The following DTNBP1 variants were observed in gnomAD, a reference collection of about 807,000 sequenced individuals.
The protein encoded by DTNBP1 is dystrobrevin binding protein 1.
Under a neutral mutation model 42.8 loss-of-function variants are expected in DTNBP1, and 35 were observed. The ratio of observed to expected loss-of-function variants is 0.82; its 90% confidence interval spans 0.63 to 1.09. The LOEUF is 1.09. DTNBP1 is among the 50% of genes least tolerant of loss of function. The pLI is 0.00. For synonymous variants in DTNBP1, 171 were observed against 162.2 expected, an observed-to-expected ratio of 1.05 and a Z score of -0.41; for missense variants, 457 against 424.2, an observed-to-expected ratio of 1.08 and a Z score of -0.68.
chr6:15,634,783 T>C (rs1261252050), intron 4 of DTNBP1, among the ~76,000 whole-genome samples: 1 of 152,244 alleles, frequency 6.6e-6, no homozygotes, highest in Non-Finnish European at 1.5e-5. Flanking sequence ...CTTTGTTATC[T>C]AGCATTATTC....
intron 7 of DTNBP1, among the ~76,000 whole-genome samples, chr6:15,581,262 C>T (rs146005129): frequency 0.015 from 2,326 of 152,312 alleles, 24 homozygotes; most frequent in Middle Eastern, 0.031. Context: ...TCTCTGCAAC[C>T]TCTGCCACCC....
At chr6:15,533,707 C>A in intron 7 of DTNBP1, 1 of 525,258 alleles carries the variant, frequency 1.9e-6, no homozygotes, top group Non-Finnish European at 3.7e-6. Context: ...CTTCCAAGAC[C>A]AGCTTCTCAG....
intron 7 of DTNBP1, among the ~76,000 whole-genome samples, chr6:15,581,395 G>C (rs986811187): frequency 2.0e-5 from 3 of 150,986 alleles, no homozygotes; most frequent in Non-Finnish European, 2.9e-5. Flanking sequence ...GGTCAGGCTG[G>C]TCTTGAACTC....
At chr6:15,584,661 T>C (rs1450850890) in intron 7 of DTNBP1, among the ~76,000 whole-genome samples, 1 of 150,950 alleles carries the variant, frequency 6.6e-6, no homozygotes, top group Non-Finnish European at 1.5e-5. Context: ...ATTTGTAATA[T>C]TAAAAAGAGA....
intron 3 of DTNBP1, among the ~76,000 whole-genome samples, chr6:15,647,147 A>C (rs2113797043): frequency 6.6e-6 from 1 of 152,194 alleles, no homozygotes; most frequent in East Asian, 1.9e-4. Context: ...AACTTAAACA[A>C]ATGAACAAGA....
intron 8 of DTNBP1, among the ~76,000 whole-genome samples, chr6:15,529,903 C>A (rs1581699389): frequency 6.6e-6 from 1 of 152,254 alleles, no homozygotes; most frequent in South Asian, 2.1e-4. Flanking sequence ...GGGGCCCAGG[C>A]CCCCTCTGCT....
At chr6:15,553,076 A>G (rs1355870002) in intron 7 of DTNBP1, among the ~76,000 whole-genome samples, 1 of 152,190 alleles carries the variant, frequency 6.6e-6, no homozygotes, top group Non-Finnish European at 1.5e-5. Flanking sequence ...AAAATCCAAA[A>G]ACTCTTGCCA....
rs548806076 is a variant in DTNBP1 at position 15,537,148 on chromosome 6, C to T, written c.512-3753G>A. ...TAAGACTTTTGGCTTAGGCCGGGCG[C>T]GGTGGCTCACGCCTGTAATCCCAAC... On this transcript the variant is annotated intron_variant, in intron 7 of 9. Coordinates refer to ENST00000344537, the MANE Select transcript of DTNBP1 (RefSeq NM_032122.5). Among the ~76,000 whole-genome samples the T allele has an allele frequency of 1.6e-4, 24 of 152,306 alleles. 1 individual carries two copies. In the South Asian group the frequency reaches 3.5e-3, roughly 22 times the overall value.
At chr6:15,540,884 C>A (rs902098948) in intron 7 of DTNBP1, among the ~76,000 whole-genome samples, 5 of 152,154 alleles carry the variant, frequency 3.3e-5, no homozygotes, top group South Asian at 4.1e-4. Context: ...CCTCGTGATC[C>A]GCCTGCCTTG....
At chr6:15,543,287 G>A (rs562149907) in intron 7 of DTNBP1, among the ~76,000 whole-genome samples, 5 of 152,294 alleles carry the variant, frequency 3.3e-5, no homozygotes, top group Admixed American at 1.3e-4. Flanking sequence ...TGTACATCCT[G>A]AATGTCCCTC....
chr6:15,630,363 C>T (rs1183510692), intron 4 of DTNBP1, among the ~76,000 whole-genome samples: 1 of 152,136 alleles, frequency 6.6e-6, no homozygotes, highest in East Asian at 1.9e-4. Context: ...ACCAGGATTT[C>T]CAACACTACG....
chr6:15,616,028 T>C (rs1274444276), intron 5 of DTNBP1, among the ~76,000 whole-genome samples: 4 of 152,182 alleles, frequency 2.6e-5, no homozygotes, highest in African/African-American at 7.2e-5. Flanking sequence ...TGCAGCTGTA[T>C]TGGAACATGA....
At chr6:15,629,185 C>T (rs1232581446) in intron 4 of DTNBP1, among the ~76,000 whole-genome samples, 1 of 152,148 alleles carries the variant, frequency 6.6e-6, no homozygotes, top group East Asian at 1.9e-4. Flanking sequence ...CCACAAACTT[C>T]CACTGACCAC....
At chr6:15,640,530 T>A (rs1448789360) in intron 3 of DTNBP1, among the ~76,000 whole-genome samples, 1 of 152,188 alleles carries the variant, frequency 6.6e-6, no homozygotes, top group Admixed American at 6.5e-5. Flanking sequence ...GTTAGGAAGA[T>A]GAACACACAG....
intron 3 of DTNBP1, among the ~76,000 whole-genome samples, chr6:15,642,326 T>C (rs907047345): frequency 6.6e-5 from 10 of 152,126 alleles, no homozygotes; most frequent in African/African-American, 2.2e-4. Flanking sequence ...AGGGGCATGA[T>C]AGGAAGTGGA....
intron 7 of DTNBP1, among the ~76,000 whole-genome samples, chr6:15,551,810 G>A (rs1476614768): frequency 6.6e-6 from 1 of 152,176 alleles, no homozygotes; most frequent in Non-Finnish European, 1.5e-5. Context: ...ATCACTAAAT[G>A]GGGACTGCAC....
rs182736745 is a variant in DTNBP1 at position 15,587,351 on chromosome 6, A to G, written c.511+5708T>C. On this transcript the variant is annotated intron_variant, in intron 7 of 9. Transcript: ENST00000344537. The surrounding 1 kb of genome is among the most constrained non-coding windows in gnomAD (Gnocchi z 4.1). The stretch of plus-strand genomic sequence containing the variant: ...ATTGATCTATACATGCAACACAACC[A>G]TCCCTATTCAAGTCTCAGTAGGCTC... 6.4e-4 allele frequency among the ~76,000 whole-genome samples: 98 copies of G among 152,280 alleles called. 1 individual carries two copies. The highest frequency in any genetic ancestry group is 3.4e-3 in the Middle Eastern group (1 of 294).
chr6:15,588,311 T>C (rs958229059), intron 7 of DTNBP1, among the ~76,000 whole-genome samples: 2 of 152,206 alleles, frequency 1.3e-5, no homozygotes, highest in Non-Finnish European at 2.9e-5. Context: ...ATCTCCTATA[T>C]GATTCCAGAA....
intron 7 of DTNBP1, among the ~76,000 whole-genome samples, chr6:15,582,785 T>C (rs866339432): frequency 2.0e-5 from 3 of 152,236 alleles, no homozygotes; most frequent in African/African-American, 7.2e-5. Context: ...ATTAGAGACT[T>C]GAAAGTGAAT....
Sources: allele counts gnomAD v4.1 joint callset (sites outside exome capture counted in the v4.1 genomes callset), GRCh38; gene constraint gnomAD v4.1.1; non-coding constraint Gnocchi (gnomAD v3.1); transcripts MANE v1.5; gene names NCBI Gene and HGNC (gene_info 2026-07-23, HGNC 2026-07-21).